The following VAX2 variants were observed in gnomAD, a reference collection of about 807,000 sequenced individuals.
VAX2 encodes the protein ventral anterior homeobox 2.
VAX2 carries 8 observed loss-of-function variants against 12.5 expected under a neutral mutation model. The observed-to-expected ratio is 0.64, with a 90% CI of 0.37 to 1.15. The LOEUF (loss-of-function observed/expected upper bound fraction) is 1.15, where lower values mean the gene tolerates loss of function less well. Among genes scored for constraint, VAX2 ranks in the 50% most tolerant of loss-of-function variants. VAX2 has a pLI of 0.01. For synonymous variants in VAX2, 183 were observed against 187.6 expected, an observed-to-expected ratio of 0.98 and a Z score of 0.20; for missense variants, 476 against 412.9, an observed-to-expected ratio of 1.15 and a Z score of -1.32.
chr2:70,919,846 G>A lies in VAX2; in HGVS notation c.248-1252G>A, dbSNP rs1679408435. On this transcript the variant is annotated intron_variant, in intron 1 of 2. Coordinates refer to ENST00000234392, the MANE Select transcript of VAX2 (RefSeq NM_012476.3). ...AGCCTGGGCGTGAGAGTGAGACCCTGTCTCAAAAAATAAATAAACAAAACA... is the reference window on the plus strand; with the variant it reads ...AGCCTGGGCGTGAGAGTGAGACCCTATCTCAAAAAATAAATAAACAAAACA... Among the ~76,000 whole-genome samples the A allele has an allele frequency of 2.0e-5, 3 of 152,172 alleles. No individual in the cohort carries two copies. In the South Asian group the frequency reaches 6.2e-4, roughly 32 times the overall value.
At position 70,933,021 on chromosome 2, in the gene VAX2, C is replaced by T. The variant is rs781815373; in HGVS notation, c.690C>T (p.Asn230=). The change falls in exon 3 of 3, where the codon AAC becomes AAT. Residue 230 remains asparagine, a synonymous_variant. Coordinates refer to ENST00000234392, the MANE Select transcript of VAX2 (RefSeq NM_012476.3). ...CCAGGAACTCCTCCCCACGCCTCAACCCGCTGTCCTCGGCCTCAGCGTCCC... is the reference window on the plus strand; with the variant it reads ...CCAGGAACTCCTCCCCACGCCTCAATCCGCTGTCCTCGGCCTCAGCGTCCC... ...GDPRNSSPRL[N]PLSSASASPP... is the part of the protein sequence containing the mutation. The T allele has an allele frequency of 5.0e-6, 8 of 1,598,384 alleles. No homozygotes were observed. In the South Asian group the frequency reaches 9.0e-5, roughly 18 times the overall value.
chr2:70,923,357 G>A (rs1553413106), intron 2 of VAX2, among the ~76,000 whole-genome samples: 1 of 152,196 alleles, frequency 6.6e-6, no homozygotes, highest in Non-Finnish European at 1.5e-5. Context: ...AACCTTATGG[G>A]ATACGTGTGA....
At chr2:70,927,370 T>C (rs1446831657) in intron 2 of VAX2, among the ~76,000 whole-genome samples, 1 of 151,838 alleles carries the variant, frequency 6.6e-6, no homozygotes, top group African/African-American at 2.4e-5. Context: ...CCCCCCGGGA[T>C]GCCCACCTAG....
chr2:70,901,766 G>T (rs1553409822), intron 1 of VAX2, among the ~76,000 whole-genome samples: 1 of 152,230 alleles, frequency 6.6e-6, no homozygotes, highest in Non-Finnish European at 1.5e-5. Flanking sequence ...AGAGGAGAAA[G>T]GGGACTCCGG....
intron 1 of VAX2, among the ~76,000 whole-genome samples, chr2:70,902,644 A>G (rs1319801480): frequency 1.3e-5 from 2 of 152,042 alleles, no homozygotes; most frequent in Non-Finnish European, 2.9e-5. Context: ...CATCCTCTCC[A>G]CTCTACTAAC....
rs1385428575 is a variant in VAX2, at chr2:70,900,735, C to T, written c.114C>T (p.Gly38=). 5 of 1,429,370 alleles carry T rather than the reference C, an allele frequency of 3.5e-6. No individual in the cohort carries two copies. Among genetic ancestry groups the T allele is most frequent in the African/African-American group, 1.5e-5 (1 of 67,752 alleles). 88.5% of individuals were successfully genotyped at this position (1,429,370 alleles called of 1,614,324 possible). ...GAGCGGGGGACTTGCGAGCTGATGG[C>T]GGTGGCCACAGCCCAACGGAGGTGG... The part of the protein sequence containing the change: ...RSGAGDLRAD[G]GGHSPTEVAG... The change falls in exon 1 of 3, where the codon GGC becomes GGT. Residue 38 remains glycine, a synonymous_variant. Transcript: ENST00000234392.
chr2:70,923,969 T>TA (rs1270429820), intron 2 of VAX2, among the ~76,000 whole-genome samples: 2 of 152,182 alleles, frequency 1.3e-5, no homozygotes, highest in Non-Finnish European at 2.9e-5. Context: ...ACCTTATCTC[T>TA]AAAAAAAGTT....
chr2:70,917,960 A>G (rs1183989619), intron 1 of VAX2, among the ~76,000 whole-genome samples: 11 of 152,264 alleles, frequency 7.2e-5, no homozygotes, highest in Non-Finnish European at 1.3e-4. Context: ...GAGTTTTGCC[A>G]CAAAGTTCTG....
chr2:70,930,996 G>C (rs1229351639), intron 2 of VAX2, among the ~76,000 whole-genome samples: 1 of 152,154 alleles, frequency 6.6e-6, no homozygotes, highest in Non-Finnish European at 1.5e-5. Flanking sequence ...AGATGCTGTG[G>C]CCTGATGAGT....
intron 1 of VAX2, among the ~76,000 whole-genome samples, chr2:70,914,315 G>A (rs1003503305): frequency 2.0e-5 from 3 of 152,174 alleles, no homozygotes; most frequent in Admixed American, 6.5e-5. Context: ...GGGGCGTGGT[G>A]ATGGGCACCT....
In VAX2 at chr2:70,932,901, G is replaced by T. The variant is rs782191219; in HGVS notation, c.570G>T (p.Arg190=). Residue 190 remains arginine, a synonymous_variant, in exon 3 of 3, where the codon CGG becomes CGT. Coordinates refer to ENST00000234392, the MANE Select transcript of VAX2 (RefSeq NM_012476.3). The stretch of plus-strand genomic sequence containing the variant: ...TTCTGCGGCTGCTGGAGCAGGGCCG[G>T]CTGCTCTCTGTGCCCAGGGCCCCTA... The part of the protein sequence containing the change: ...SNILRLLEQG[R]LLSVPRAPSL... The T allele has an allele frequency of 6.2e-7, 1 of 1,613,300 alleles. No individual in the cohort carries two copies. Among genetic ancestry groups the T allele is most frequent in the South Asian group, 1.1e-5 (1 of 91,054 alleles).
At chr2:70,932,187 C>A (rs1263609817) in intron 2 of VAX2, among the ~76,000 whole-genome samples, 2 of 152,106 alleles carry the variant, frequency 1.3e-5, no homozygotes, top group East Asian at 3.9e-4. Context: ...CAGGCTCCTG[C>A]ATGAGTGAGT....
Position 70,904,106 on chromosome 2 carries a change from G to A in VAX2, c.247+3238G>A, listed in dbSNP as rs1187104722. Among the ~76,000 whole-genome samples, 1 of 152,210 alleles carries A rather than the reference G, an allele frequency of 6.6e-6. No homozygotes were observed. The highest frequency in any genetic ancestry group is 2.4e-5 in the African/African-American group (1 of 41,458). On this transcript the variant is annotated intron_variant, in intron 1 of 2. Transcript: ENST00000234392. This position sits in a 1 kb window ranked among gnomAD's most constrained non-coding sequence, Gnocchi z 4.2. ...ACAGGCACCCCGCACATCGCACCGC[G>A]GACGCAGCGATCCTCCCATTTGTAC...
intron 1 of VAX2, among the ~76,000 whole-genome samples, chr2:70,911,503 C>T (rs897866250): frequency 6.6e-6 from 1 of 152,150 alleles, no homozygotes; most frequent in Non-Finnish European, 1.5e-5. Context: ...TTAAGTTTAG[C>T]TAGGCATTAT....
chr2:70,903,753 C>T (rs944202703), intron 1 of VAX2, among the ~76,000 whole-genome samples: 1 of 152,190 alleles, frequency 6.6e-6, no homozygotes, highest in Admixed American at 6.5e-5. Context: ...AGTGGACCTT[C>T]GTTGTCTGAG....
At chr2:70,910,464 C>T (rs1679156477) in intron 1 of VAX2, among the ~76,000 whole-genome samples, 1 of 152,042 alleles carries the variant, frequency 6.6e-6, no homozygotes, top group Admixed American at 6.6e-5. Flanking sequence ...TTGATTTATA[C>T]TCTTAGCCAT....
intron 2 of VAX2, among the ~76,000 whole-genome samples, chr2:70,923,648 C>T (rs73937077): frequency 0.014 from 2,104 of 152,222 alleles, 42 homozygotes; most frequent in African/African-American, 0.044. Context: ...GCACACAACT[C>T]AGGAAACACC....
At chr2:70,921,370 G>A (rs554489037) in intron 2 of VAX2, 85 bp downstream of exon 2, 33 of 1,422,194 alleles carry the variant, frequency 2.3e-5, no homozygotes, top group Admixed American at 1.5e-4. Flanking sequence ...AGCTGCTACA[G>A]GGAGACCCAA....
intron 1 of VAX2, among the ~76,000 whole-genome samples, chr2:70,914,510 C>T (rs774010822): frequency 1.4e-4 from 21 of 152,106 alleles, no homozygotes; most frequent in Non-Finnish European, 2.8e-4. Flanking sequence ...TTGATAAATG[C>T]AGCCTTAAAA....
Sources: gnomAD v4.1 joint callset for allele counts (sites outside exome capture counted in the v4.1 genomes callset) on GRCh38, gnomAD v4.1.1 for gene constraint, Gnocchi (gnomAD v3.1) non-coding constraint, MANE v1.5 for transcripts, NCBI Gene and HGNC (gene_info 2026-07-23, HGNC 2026-07-21) for gene names.